CYFIP2: variants seen among roughly 807,000 people sequenced by gnomAD.
The protein encoded by CYFIP2 is cytoplasmic FMR1 interacting protein 2, also known as cytoplasmic FMR1-interacting protein 2.
CYFIP2 carries 29 observed loss-of-function variants against 158.7 expected under a neutral mutation model. The observed-to-expected ratio is 0.18, with a 90% CI of 0.14 to 0.25. CYFIP2 has a LOEUF of 0.25. Among genes scored for constraint, CYFIP2 ranks in the 10% least tolerant of loss-of-function variants. The pLI, the probability that CYFIP2 is intolerant of heterozygous loss-of-function variation, is 1.00. For missense variants in CYFIP2, 852 were observed against 1,639.5 expected, an observed-to-expected ratio of 0.52 and a Z score of 8.29; for synonymous variants, 585 against 617.6, an observed-to-expected ratio of 0.95 and a Z score of 0.78.
chr5:157,275,189 G>A (rs76003671), intron 1 of CYFIP2, among the ~76,000 whole-genome samples: 1 of 151,826 alleles, frequency 6.6e-6, no homozygotes, highest in Non-Finnish European at 1.5e-5. Flanking sequence ...TTTTTATTTT[G>A]ATGTTTAGTT....
intron 21 of CYFIP2, 109 bp from the exon 22 acceptor site, chr5:157,338,948 G>A (rs1762052519): frequency 9.1e-7 from 1 of 1,103,938 alleles, no homozygotes; most frequent in Non-Finnish European, 1.3e-6. Context: ...ATGGCCAGGA[G>A]GTTGTCTGAG....
chr5:157,320,601 G>A, intron 14 of CYFIP2, 54 bp from the exon 15 acceptor site: 1 of 1,610,318 alleles, frequency 6.2e-7, no homozygotes, highest in Non-Finnish European at 8.5e-7. Context: ...CAAGCTTGTA[G>A]TGACGTTTTC....
chr5:157,359,881 C>A (rs1475977579), intron 24 of CYFIP2, among the ~76,000 whole-genome samples: 1 of 152,138 alleles, frequency 6.6e-6, no homozygotes, highest in Non-Finnish European at 1.5e-5. Context: ...CAGAGTAAAA[C>A]AAGAAAATGT....
At chr5:157,307,898 C>T (rs922218245) in intron 9 of CYFIP2, 33 bp downstream of exon 9, 3 of 1,274,838 alleles carry the variant, frequency 2.4e-6, no homozygotes. Context: ...GGGCAGAGGG[C>T]TGAGGTTACC....
chr5:157,361,807 C>T lies in CYFIP2; in HGVS notation c.3039+209C>T, dbSNP rs1763852347. 6.6e-6 allele frequency among the ~76,000 whole-genome samples: 1 copy of T among 152,136 alleles called. No individual in the cohort carries two copies. The highest frequency in any genetic ancestry group is 2.4e-5 in the African/African-American group (1 of 41,408). On this transcript the variant is annotated intron_variant, in intron 26 of 30. Transcript: ENST00000620254. This position sits in a 1 kb window ranked among gnomAD's most constrained non-coding sequence, Gnocchi z 4.4. ...TTGTCTAGGTCTCAGTTTGCCATTC[C>T]CTCATGTTATGGAACCAAACTGGGG...
intron 2 of CYFIP2, among the ~76,000 whole-genome samples, chr5:157,285,928 C>T (rs947238687): frequency 3.3e-5 from 5 of 152,210 alleles, no homozygotes; most frequent in African/African-American, 9.7e-5. Context: ...GAGAGCAAAG[C>T]TTGTGATAAA....
At chr5:157,293,391 C>G (rs549288349) in intron 3 of CYFIP2, among the ~76,000 whole-genome samples, 5 of 152,282 alleles carry the variant, frequency 3.3e-5, no homozygotes, top group Non-Finnish European at 5.9e-5. Flanking sequence ...GTTTAGGTCT[C>G]TTTCCACAGC....
At chr5:157,274,171 A>G (rs1163926459) in intron 1 of CYFIP2, among the ~76,000 whole-genome samples, 1 of 150,632 alleles carries the variant, frequency 6.6e-6, no homozygotes, top group Non-Finnish European at 1.5e-5. Context: ...TTTTTAATAT[A>G]TTCACAGAGT....
intron 30 of CYFIP2, 135 bp downstream of exon 30, chr5:157,390,803 G>A: frequency 2.9e-6 from 4 of 1,403,202 alleles, no homozygotes; most frequent in Non-Finnish European, 3.9e-6. Flanking sequence ...ACTATAGGCT[G>A]GGGACCTGCT....
At chr5:157,354,632 A>C (rs1763292365) in intron 23 of CYFIP2, among the ~76,000 whole-genome samples, 1 of 151,926 alleles carries the variant, frequency 6.6e-6, no homozygotes, top group Non-Finnish European at 1.5e-5. Context: ...TCCTCATTTC[A>C]TGCTGGTCCT....
intron 26 of CYFIP2, among the ~76,000 whole-genome samples, chr5:157,371,444 GAAATC>G (rs757856132): frequency 2.0e-5 from 3 of 152,138 alleles, no homozygotes; most frequent in Non-Finnish European, 2.9e-5. Context: ...TGCTCTTTAG[GAAATC>G]AGCTAAAAAT....
intron 28 of CYFIP2, among the ~76,000 whole-genome samples, chr5:157,387,869 C>CA (rs1240552758): frequency 6.6e-6 from 1 of 152,136 alleles, no homozygotes; most frequent in Non-Finnish European, 1.5e-5. Flanking sequence ...AGATTTCTTT[C>CA]AGTTGGTAGT....
Position 157,332,072 on chromosome 5 carries a change from G to A in CYFIP2, c.2265+1222G>A, listed in dbSNP as rs1042457588. Among the ~76,000 whole-genome samples the A allele has an allele frequency of 4.6e-5, 7 of 152,288 alleles. No individual in the cohort carries two copies. In the East Asian group the frequency reaches 9.6e-4, roughly 21 times the overall value. On this transcript the variant is annotated intron_variant, in intron 20 of 30. Transcript: ENST00000620254. ...CTTGCTGAGGCAGCTGCTGTGCCCT[G>A]GTGACTGAATTGAGTGCAAGAAAGA...
rs764829531 is a variant in CYFIP2, at chr5:157,339,084, C to T, written c.2413C>T (p.Arg805Trp). ...GCTGGAGTGGCTGCTGGAGATTAAC[C>T]GGCTCACGCATCGGCTGCTCTGTAA... Reference protein sequence around the residue: ...VELEWLLEINRLTHRLLCKHM... With the variant: ...VELEWLLEINWLTHRLLCKHM... Residue 805 changes from arginine to tryptophan, a missense_variant, in exon 22 of 31, where the codon CGG becomes TGG. Physicochemically the swap from Arg to Trp is moderately radical, Grantham distance 101. This residue lies in a region of CYFIP2 where 191 missense variants were observed against 311.2 expected (regional missense o/e 0.61). Coordinates refer to ENST00000620254, the MANE Select transcript of CYFIP2 (RefSeq NM_001037333.3). 5 of 1,612,136 alleles carry T rather than the reference C, an allele frequency of 3.1e-6. No homozygotes were observed. Among genetic ancestry groups the T allele is most frequent in the South Asian group, 1.1e-5 (1 of 90,766 alleles).
Position 157,300,759 on chromosome 5 carries a change from C to T in CYFIP2, c.432C>T (p.Cys144=). The T allele has an allele frequency of 1.2e-6, 2 of 1,611,782 alleles. No individual in the cohort carries two copies. The highest frequency in any genetic ancestry group is 1.7e-6 in the Non-Finnish European group (2 of 1,178,628). ...ERFCSEVKRL[C]HAERRKDFVS... ...TCTGCAGCGAGGTGAAGCGGCTGTG[C>T]CATGCCGAGCGCAGGAAGGACTTTG... The change falls in exon 6 of 31, where the codon TGC becomes TGT. Residue 144 remains cysteine, a synonymous_variant. Transcript: ENST00000620254.
chr5:157,333,901 C>A (rs1235659124), intron 21 of CYFIP2, among the ~76,000 whole-genome samples: 2 of 151,758 alleles, frequency 1.3e-5, no homozygotes, highest in African/African-American at 2.4e-5. Flanking sequence ...TTGCACCCTG[C>A]AGATTATGTA....
At chr5:157,366,715 T>G (rs1248999227) in intron 26 of CYFIP2, among the ~76,000 whole-genome samples, 2 of 152,190 alleles carry the variant, frequency 1.3e-5, no homozygotes, top group Admixed American at 1.3e-4. Context: ...CTGAAACAAA[T>G]CAGCATTTGT....
chr5:157,309,623 A>G lies in CYFIP2; in HGVS notation c.901-120A>G, dbSNP rs997394826. On this transcript the variant is annotated intron_variant, in intron 9 of 30. Coordinates refer to ENST00000620254, the MANE Select transcript of CYFIP2 (RefSeq NM_001037333.3). Reference sequence around the variant, plus strand: ...CACATGGTAGCGTCATCGGAAGCAGAAACTAGGGGTCGGCCCCCAGGCACA... The same window carrying G: ...CACATGGTAGCGTCATCGGAAGCAGGAACTAGGGGTCGGCCCCCAGGCACA... The G allele has an allele frequency of 3.5e-6, 3 of 846,252 alleles. No individual in the cohort carries two copies. The African/African-American group carries it at 5.1e-5, about 14-fold the overall frequency. The allele number at this position is 846,252 out of a possible 1,614,324, so 52.4% of individuals were successfully genotyped here.
intron 26 of CYFIP2, among the ~76,000 whole-genome samples, chr5:157,381,072 A>G (rs1029793598): frequency 4.6e-5 from 7 of 152,162 alleles, no homozygotes; most frequent in African/African-American, 1.7e-4. Flanking sequence ...AAAATTAGCC[A>G]GGTTCAAACA....
Sources: gnomAD v4.1 joint callset for allele counts (sites outside exome capture counted in the v4.1 genomes callset) on GRCh38, gnomAD v4.1.1 for gene constraint, gnomAD v4.1.1 regional missense constraint, Gnocchi (gnomAD v3.1) non-coding constraint, MANE v1.5 for transcripts, NCBI Gene and HGNC (gene_info 2026-07-23, HGNC 2026-07-21) for gene names.